Variants in GUSB observed in about 807,000 individuals in gnomAD.
GUSB encodes beta-glucuronidase.
A neutral mutation model predicts 74.6 loss-of-function variants in GUSB; 51 were observed. That is an observed-to-expected ratio of 0.68 (90% CI 0.55 to 0.86). GUSB has a LOEUF of 0.86. Ranked by LOEUF, GUSB falls within the 40% of genes least tolerant of loss-of-function variation. The pLI is 0.00. For synonymous variants in GUSB, 360 were observed against 348.3 expected, an observed-to-expected ratio of 1.03 and a Z score of -0.37; for missense variants, 736 against 853.7, an observed-to-expected ratio of 0.86 and a Z score of 1.72.
rs1036843273 is a variant in GUSB at position 65,982,194 on chromosome 7, C to T, written c.-11G>A. ...CGACCCCCGGGCCATGCTTCCCGGT[C>T]CCCCGCTCGGCCACCGTCTGCGGCG... On this transcript the variant is annotated 5_prime_UTR_variant, in exon 1 of 12. Coordinates refer to ENST00000304895, the MANE Select transcript of GUSB (RefSeq NM_000181.4). 2.0e-6 allele frequency: 3 copies of T among 1,501,544 alleles called. No homozygotes were observed. The highest frequency in any genetic ancestry group is 1.4e-5 in the African/African-American group (1 of 69,784). The allele number at this position is 1,501,544 out of a possible 1,614,324, so 93.0% of individuals were successfully genotyped here. A position where few individuals can be genotyped will look rare whatever the true frequency, so the allele number is the denominator to read the frequency against.
rs1032709253 is a variant in GUSB at position 65,978,757 on chromosome 7, C to T, written c.724+642G>A. On this transcript the variant is annotated intron_variant, in intron 4 of 11. Coordinates refer to ENST00000304895, the MANE Select transcript of GUSB (RefSeq NM_000181.4). ...ATCGCACTCCAGCCTGGCGACAGAG[C>T]GAGACTCCAGCTCAAAAAAAAAAAA... 2.0e-5 allele frequency among the ~76,000 whole-genome samples: 3 copies of T among 150,824 alleles called. No homozygotes were observed. The Admixed American group carries it at 2.0e-4, about 10-fold the overall frequency.
In GUSB at chr7:65,960,745, C is replaced by T. The variant is rs1790428176; in HGVS notation, c.*152G>A. 1 of 712,324 alleles carries T rather than the reference C, an allele frequency of 1.4e-6. No homozygotes were observed. The highest frequency in any genetic ancestry group is 2.5e-6 in the Non-Finnish European group (1 of 394,682). The allele number at this position is 712,324 out of a possible 1,614,324, so 44.1% of individuals were successfully genotyped here. ...CATAATAGAAAATCTTTTATTTCCA[C>T]CTTTAGTGTTCCCTGCTAGAATAGA... On this transcript the variant is annotated 3_prime_UTR_variant, in exon 12 of 12. Coordinates refer to ENST00000304895, the MANE Select transcript of GUSB (RefSeq NM_000181.4).
chr7:65,981,912 G>A, intron 1 of GUSB, 62 bp downstream of exon 1: 8 of 1,408,252 alleles, frequency 5.7e-6, no homozygotes, highest in Non-Finnish European at 6.8e-6. Flanking sequence ...CGGGGGGCCC[G>A]GGCTCCCCTA....
Position 65,967,900 on chromosome 7 carries a change from T to C in GUSB, c.1484A>G (p.Tyr495Cys), listed in dbSNP as rs121918178. The C allele has an allele frequency of 5.0e-6, 8 of 1,600,242 alleles. No individual in the cohort carries two copies. Among genetic ancestry groups the C allele is most frequent in the Non-Finnish European group, 5.1e-6 (6 of 1,179,674 alleles). The change falls in exon 10 of 12, where the codon TAT (tyrosine) becomes TGT (cysteine). Residue 495 changes from tyrosine (Y) to cysteine (C), a missense_variant. This residue lies in a region of GUSB where 368 missense variants were observed against 489.9 expected (regional missense o/e 0.75). Transcript: ENST00000304895. ...SNYAADKGAP[Y>C]VDVICLNSYY... is the part of the protein sequence containing the mutation. Reference sequence around the variant, plus strand: ...GCTGTTCAAACAGATCACATCCACATACGGAGCCTAGGACCAGAGCAGCAG... The same window carrying C: ...GCTGTTCAAACAGATCACATCCACACACGGAGCCTAGGACCAGAGCAGCAG...
At chr7:65,969,353 T>C (rs1354297619) in intron 9 of GUSB, among the ~76,000 whole-genome samples, 1 of 152,042 alleles carries the variant, frequency 6.6e-6, no homozygotes, top group Non-Finnish European at 1.5e-5. Flanking sequence ...CACTCAAGCC[T>C]GGGCAACAGA....
chr7:65,970,210 T>C (rs1361987571), intron 9 of GUSB, 72 bp downstream of exon 9: 52 of 886,526 alleles, frequency 5.9e-5, no homozygotes, highest in Non-Finnish European at 6.7e-5. Flanking sequence ...TTCCTGGCTG[T>C]TCCCATGACC....
chr7:65,980,022 A>G, intron 2 of GUSB, 111 bp from the exon 3 acceptor site: 1 of 1,016,864 alleles, frequency 9.8e-7, no homozygotes, highest in Non-Finnish European at 1.5e-6. Flanking sequence ...GGGGCCTTCC[A>G]GCCAGACGGG....
At chr7:65,975,848 C>CAAAAAA (rs112120049) in intron 5 of GUSB, 167 bp downstream of exon 5, 2 of 437,154 alleles carry the variant, frequency 4.6e-6, no homozygotes, top group Non-Finnish European at 7.8e-6. Flanking sequence ...GAGACCATCT[C>CAAAAAA]AAAAAAAAAA....
chr7:65,977,665 C>G (rs1469181663), intron 4 of GUSB, among the ~76,000 whole-genome samples: 1 of 151,904 alleles, frequency 6.6e-6, no homozygotes, highest in African/African-American at 2.4e-5. Context: ...GCTGGGATGA[C>G]AGGCATTAGC....
At chr7:65,978,273 C>A (rs1288766057) in intron 4 of GUSB, among the ~76,000 whole-genome samples, 1 of 152,020 alleles carries the variant, frequency 6.6e-6, no homozygotes, top group East Asian at 1.9e-4. Flanking sequence ...CATGGTGAAA[C>A]CCCATCTCTA....
At chr7:65,981,889 G>T (rs1216607311) in intron 1 of GUSB, 85 bp downstream of exon 1, 2 of 1,220,002 alleles carry the variant, frequency 1.6e-6, no homozygotes, top group Admixed American at 2.3e-5. Flanking sequence ...AGACGCCCAG[G>T]GGAAGAAGTC....
chr7:65,968,013 C>G lies in GUSB; in HGVS notation c.1477-106G>C, dbSNP rs963621150. ...GCAGAGAAGGTAAGGGGGATGTAAT[C>G]CCAGCACTCTGGGAGGCTGAGGCAG... On this transcript the variant is annotated intron_variant, in intron 9 of 11. Transcript: ENST00000304895. 3 of 929,728 alleles carry G rather than the reference C, an allele frequency of 3.2e-6. No homozygotes were observed. The African/African-American group carries it at 4.9e-5, about 15-fold the overall frequency. 57.6% of individuals were successfully genotyped at this position (929,728 alleles called of 1,614,324 possible).
chr7:65,972,217 A>T (rs1791260475), intron 8 of GUSB, among the ~76,000 whole-genome samples: 1 of 151,928 alleles, frequency 6.6e-6, no homozygotes, highest in Non-Finnish European at 1.5e-5. Flanking sequence ...GCTGGAGTGC[A>T]ATGACATGAT....
In GUSB at chr7:65,979,309, G is replaced by A. The variant is rs1171519752; in HGVS notation, c.724+90C>T. 36 of 1,256,428 alleles carry A rather than the reference G, an allele frequency of 2.9e-5. No individual in the cohort carries two copies. The South Asian group carries it at 3.7e-4, about 13-fold the overall frequency. 77.8% of individuals were successfully genotyped at this position (1,256,428 alleles called of 1,614,324 possible). On this transcript the variant is annotated intron_variant, in intron 4 of 11. Transcript: ENST00000304895. ...ATCTGTGAGGGTGTAGAGATGCTGGGAGCACCTTTTTCCTGGGAGAGCTTT... is the reference window on the plus strand; with the variant it reads ...ATCTGTGAGGGTGTAGAGATGCTGGAAGCACCTTTTTCCTGGGAGAGCTTT...
chr7:65,963,830 G>A (rs1409318759), intron 11 of GUSB, among the ~76,000 whole-genome samples: 3 of 152,196 alleles, frequency 2.0e-5, no homozygotes, highest in Non-Finnish European at 4.4e-5. Flanking sequence ...ACAGGCGTGA[G>A]CCACTACACC....
At chr7:65,967,996 G>A (rs1790948131) in intron 9 of GUSB, 89 bp from the exon 10 acceptor site, 1 of 1,099,072 alleles carries the variant, frequency 9.1e-7, no homozygotes, top group East Asian at 2.4e-5. Flanking sequence ...TGGCAGAGAA[G>A]GTAAGGGGGA....
At chr7:65,971,483 C>A (rs1359904022) in intron 8 of GUSB, among the ~76,000 whole-genome samples, 2 of 152,000 alleles carry the variant, frequency 1.3e-5, no homozygotes, top group African/African-American at 4.8e-5. Context: ...AATCCCAACA[C>A]TTTGGGAGGC....
rs150782923 is a variant in GUSB at position 65,974,863 on chromosome 7, G to C, written c.1065+56C>G. ...CTCAACTGCAGGACACAGGGAAGGC[G>C]AAAGTGGAGGGTGACCAGAAGCAGC... On this transcript the variant is annotated intron_variant, in intron 6 of 11. Coordinates refer to ENST00000304895, the MANE Select transcript of GUSB (RefSeq NM_000181.4). The C allele has an allele frequency of 3.5e-4, 556 of 1,594,508 alleles. 5 individuals carry two copies. In the African/African-American group the frequency reaches 5.9e-3, roughly 17 times the overall value.
chr7:65,968,970 G>A (rs1040798167), intron 9 of GUSB, among the ~76,000 whole-genome samples: 2 of 152,184 alleles, frequency 1.3e-5, no homozygotes, highest in African/African-American at 2.4e-5. Flanking sequence ...GGAGCAGGGC[G>A]GTGACGACCG....
Sources: gnomAD v4.1 joint callset for allele counts (sites outside exome capture counted in the v4.1 genomes callset) on GRCh38, gnomAD v4.1.1 for gene constraint, gnomAD v4.1.1 regional missense constraint, MANE v1.5 for transcripts, NCBI Gene and HGNC (gene_info 2026-07-23, HGNC 2026-07-21) for gene names.